The following FN1 variants were observed in gnomAD, a reference collection of about 807,000 sequenced individuals.
FN1 encodes the protein fibronectin 1.
Under a neutral mutation model 297.3 loss-of-function variants are expected in FN1, and 106 were observed. That is an observed-to-expected ratio of 0.36 (90% CI 0.30 to 0.42). The LOEUF is 0.42. Ranked by LOEUF, FN1 falls within the 10% of genes least tolerant of loss-of-function variation. The pLI is 1.00. For missense variants in FN1, 2,690 were observed against 3,124.9 expected, an observed-to-expected ratio of 0.86 and a Z score of 3.32; for synonymous variants, 1,149 against 1,152.6, an observed-to-expected ratio of 1.00 and a Z score of 0.06.
At chr2:215,404,294 T>G in intron 20 of FN1, 95 bp downstream of exon 20, 2 of 1,315,136 alleles carry the variant, frequency 1.5e-6, no homozygotes, top group East Asian at 2.3e-5. Flanking sequence ...TACTAATTTT[T>G]TAATGTTTTT....
At chr2:215,367,022 T>G (rs920390004) in intron 42 of FN1, among the ~76,000 whole-genome samples, 2 of 152,212 alleles carry the variant, frequency 1.3e-5, no homozygotes, top group Non-Finnish European at 2.9e-5. Context: ...ACAAGTTAAG[T>G]AAAATACTTT....
At chr2:215,412,767 T>TTA (rs776829446) in intron 13 of FN1, among the ~76,000 whole-genome samples, 1 of 81,778 alleles carries the variant, frequency 1.2e-5, no homozygotes, top group Admixed American at 1.9e-4. Flanking sequence ...TATCTTTTTT[T>TTA]TTTTTTTTTT....
intron 36 of FN1, 139 bp downstream of exon 36, chr2:215,376,359 A>G: frequency 1.3e-6 from 1 of 789,394 alleles, no homozygotes; most frequent in Non-Finnish European, 2.2e-6. Flanking sequence ...TCATAGCATG[A>G]AAATAACGTT....
intron 29 of FN1, chr2:215,384,437 A>G (rs969068130): frequency 1.9e-6 from 1 of 518,810 alleles, no homozygotes; most frequent in Admixed American, 3.2e-5. Flanking sequence ...TGAGTAGTAG[A>G]GTAGCATTAG....
chr2:215,404,343 G>A, intron 20 of FN1, 46 bp downstream of exon 20: 1 of 1,522,454 alleles, frequency 6.6e-7, no homozygotes, highest in Admixed American at 1.7e-5. Context: ...ATGAAGAATA[G>A]AGAATGTAAA....
intron 26 of FN1, 66 bp from the exon 27 acceptor site, chr2:215,388,367 A>G: frequency 3.5e-6 from 4 of 1,133,392 alleles, no homozygotes; most frequent in Non-Finnish European, 2.7e-6. Flanking sequence ...AAGCACGCCC[A>G]GGACTATTTG....
chr2:215,372,480 G>A, intron 39 of FN1, 105 bp from the exon 40 acceptor site: 1 of 851,086 alleles, frequency 1.2e-6, no homozygotes, highest in Non-Finnish European at 2.0e-6. Context: ...TCATCAATTT[G>A]ATAAAAGCCA....
chr2:215,372,708 T>C (rs1457610003), intron 39 of FN1, among the ~76,000 whole-genome samples: 1 of 152,230 alleles, frequency 6.6e-6, no homozygotes, highest in Admixed American at 6.5e-5. Flanking sequence ...CTCTCTTTCT[T>C]TTTTAAATTT....
At position 215,435,746 on chromosome 2, in the gene FN1, T is replaced by C. The variant is rs772269880; in HGVS notation, c.57A>G (p.Thr19=). ...TCGAGGCTCCCGTGGAGGGCACCGC[T>C]GTCCCCAGGCACTGGACGGCCAGCA... ...LLLLAVQCLG[T]AVPSTGASKS... Residue 19 remains threonine (T), a synonymous_variant, in exon 1 of 46, where the codon ACA becomes ACG. Transcript: ENST00000354785. The C allele has an allele frequency of 4.4e-6, 7 of 1,604,176 alleles. No homozygotes were observed. The highest frequency in any genetic ancestry group is 6.0e-6 in the Non-Finnish European group (7 of 1,176,134).
chr2:215,404,578 C>T lies in FN1; in HGVS notation c.3064G>A (p.Ala1022Thr). Residue 1022 changes from alanine to threonine, a missense_variant, in exon 20 of 46, where the codon GCC becomes ACC. Around this residue, in one of 3 missense-constraint regions of FN1, gnomAD observed 1,743 missense variants for 1,945.2 expected, o/e 0.90. Coordinates refer to ENST00000354785, the MANE Select transcript of FN1 (RefSeq NM_212482.4). Reference protein sequence around the residue: ...TVLVRWTPPRAQITGYRLTVG... With the variant: ...TVLVRWTPPRTQITGYRLTVG... ...GTCAGTCGGTATCCTGTTATCTGGG[C>T]CCGAGGTGGAGTCCATCTCACCAGG... The T allele has an allele frequency of 6.2e-7, 1 of 1,613,936 alleles. No individual in the cohort carries two copies. Among genetic ancestry groups the T allele is most frequent in the Non-Finnish European group, 8.5e-7 (1 of 1,179,880 alleles).
Position 215,394,709 on chromosome 2 carries a change from A to G in FN1, c.3615T>C (p.Gly1205=). ...WERSTTPDIT[G]YRITTTPTNG... is the part of the protein sequence containing the mutation. Reference sequence around the variant, plus strand: ...TTGTAGGGGTTGTGGTAATTCTATAACCAGTAATGTCTGGAGAAAAAAGAA... The same window carrying G: ...TTGTAGGGGTTGTGGTAATTCTATAGCCAGTAATGTCTGGAGAAAAAAGAA... Residue 1205 remains glycine (G), a synonymous_variant, in exon 24 of 46, where the codon GGT becomes GGC. Transcript: ENST00000354785. 1 of 1,613,642 alleles carries G rather than the reference A, an allele frequency of 6.2e-7. No homozygotes were observed. The highest frequency in any genetic ancestry group is 8.5e-7 in the Non-Finnish European group (1 of 1,179,642).
chr2:215,382,611 CTT>C (rs918686254), intron 31 of FN1, among the ~76,000 whole-genome samples: 2 of 152,152 alleles, frequency 1.3e-5, no homozygotes, highest in Non-Finnish European at 2.9e-5. Context: ...TGAAAATTAA[CTT>C]GACTCTAATA....
At chr2:215,372,932 C>T (rs2056520317) in intron 39 of FN1, among the ~76,000 whole-genome samples, 1 of 152,114 alleles carries the variant, frequency 6.6e-6, no homozygotes, top group African/African-American at 2.4e-5. Flanking sequence ...TTATTTAGCT[C>T]TAAGTTGTAG....
chr2:215,370,630 C>T (rs899988885), intron 40 of FN1, 198 bp from the exon 41 acceptor site: 71 of 566,342 alleles, frequency 1.3e-4, no homozygotes, highest in African/African-American at 9.4e-4. Flanking sequence ...TAGGGGCCAT[C>T]GTTCCTGCCA....
intron 17 of FN1, 130 bp from the exon 18 acceptor site, chr2:215,407,451 T>C: frequency 1.3e-6 from 1 of 774,056 alleles, no homozygotes; most frequent in Non-Finnish European, 2.3e-6. Context: ...GTGATACTTT[T>C]TGACTCTTTG....
chr2:215,411,616 T>C lies in FN1; in HGVS notation c.1942-1502A>G, dbSNP rs916933487. ...TGAATTTTTGTAATTGTTAAAAATC[T>C]CAAAAAATTCATCACTGCTGCTTTT... On this transcript the variant is annotated intron_variant, in intron 13 of 45. Coordinates refer to ENST00000354785, the MANE Select transcript of FN1 (RefSeq NM_212482.4). Among the ~76,000 whole-genome samples, 4 of 151,402 alleles carry C rather than the reference T, an allele frequency of 2.6e-5. No individual in the cohort carries two copies. The East Asian group carries it at 7.7e-4, about 29-fold the overall frequency.
At chr2:215,414,614 C>CAA (rs2063169119) in intron 13 of FN1, 1 of 1,097,068 alleles carries the variant, frequency 9.1e-7, no homozygotes, top group Non-Finnish European at 1.2e-6. Flanking sequence ...AAATACCAGC[C>CAA]CCCCCACCGC....
In FN1 at chr2:215,386,777, G is replaced by A. The variant is rs528282731; in HGVS notation, c.4524C>T (p.Asn1508=). 6 of 1,613,932 alleles carry A rather than the reference G, an allele frequency of 3.7e-6. No individual in the cohort carries two copies. The highest frequency in any genetic ancestry group is 2.7e-5 in the African/African-American group (2 of 74,952). ...CCACATACTCTGTGCCTGGAGTGAG[G>A]TTGGTGAGGGTGATGGAATTCCGAG... ...PHSRNSITLT[N]LTPGTEYVVS... Residue 1508 remains asparagine (N), a synonymous_variant, in exon 28 of 46, where the codon AAC becomes AAT. Coordinates refer to ENST00000354785, the MANE Select transcript of FN1 (RefSeq NM_212482.4).
chr2:215,423,211 C>A (rs987265041), intron 9 of FN1, 139 bp downstream of exon 9: 2 of 765,600 alleles, frequency 2.6e-6, no homozygotes, highest in Admixed American at 2.1e-5. Flanking sequence ...CACACACACA[C>A]AAACACACTT....
Sources: gnomAD v4.1 joint callset for allele counts (sites outside exome capture counted in the v4.1 genomes callset) on GRCh38, gnomAD v4.1.1 for gene constraint, gnomAD v4.1.1 regional missense constraint, MANE v1.5 for transcripts, NCBI Gene and HGNC (gene_info 2026-07-23, HGNC 2026-07-21) for gene names.